Variants in INPP5A observed in about 807,000 individuals in gnomAD.
INPP5A encodes the protein inositol polyphosphate-5-phosphatase A, also known as 43 kDa inositol polyphosphate 5-phophatase.
A neutral mutation model predicts 65.2 loss-of-function variants in INPP5A; 14 were observed. The observed-to-expected ratio is 0.21, with a 90% CI of 0.14 to 0.34. INPP5A has a LOEUF of 0.34. INPP5A is among the 10% of genes least tolerant of loss of function. The pLI, the probability that INPP5A is intolerant of heterozygous loss-of-function variation, is 1.00. For synonymous variants in INPP5A, 207 were observed against 208.3 expected, an observed-to-expected ratio of 0.99 and a Z score of 0.05; for missense variants, 431 against 545.6, an observed-to-expected ratio of 0.79 and a Z score of 2.09.
In INPP5A at chr10:132,726,880, G is replaced by A. The variant is rs965436593; in HGVS notation, c.707G>A (p.Arg236Gln). The part of the protein sequence containing the change: ...SYFVFGDFNF[R>Q]LDSKSVVETL... ...TTTGTATTTGGTGATTTCAACTTCC[G>A]GCTGGATTCCAAGTCCGTCGTGGAG... Residue 236 changes from arginine (R) to glutamine (Q), a missense_variant, in exon 9 of 16, where the codon CGG (arginine) becomes CAG (glutamine). Coordinates refer to ENST00000368594, the MANE Select transcript of INPP5A (RefSeq NM_005539.5). The A allele has an allele frequency of 1.2e-6, 2 of 1,609,970 alleles. No individual in the cohort carries two copies. The highest frequency in any genetic ancestry group is 1.7e-6 in the Non-Finnish European group (2 of 1,176,906).
chr10:132,556,394 A>G (rs1171985318), intron 1 of INPP5A, among the ~76,000 whole-genome samples: 1 of 152,204 alleles, frequency 6.6e-6, no homozygotes, highest in Non-Finnish European at 1.5e-5. Flanking sequence ...GACCAGGGCC[A>G]GAATATCTGG....
rs2071024535 is a variant in INPP5A, at chr10:132,549,597, G to A, written c.75+11426G>A. On this transcript the variant is annotated intron_variant, in intron 1 of 15. Coordinates refer to ENST00000368594, the MANE Select transcript of INPP5A (RefSeq NM_005539.5). The surrounding 1 kb of genome is among the most constrained non-coding windows in gnomAD (Gnocchi z 4.9). ...GCGAGGCCTCTGCTACGAGGCTCCC[G>A]CTTGCCTGGCAGGTGGCAGGTGTGA... is the stretch of plus-strand genomic sequence containing the variant. Among the ~76,000 whole-genome samples, 3 of 152,318 alleles carry A rather than the reference G, an allele frequency of 2.0e-5. No homozygotes were observed. The highest frequency in any genetic ancestry group is 6.8e-3 in the Middle Eastern group (2 of 294).
intron 1 of INPP5A, among the ~76,000 whole-genome samples, chr10:132,544,635 A>G (rs2070946999): frequency 6.6e-6 from 1 of 151,732 alleles, no homozygotes; most frequent in African/African-American, 2.4e-5. Flanking sequence ...CCACGTCTAA[A>G]TCTTGAACAC....
chr10:132,552,021 G>T (rs2071057991), intron 1 of INPP5A, among the ~76,000 whole-genome samples: 1 of 152,242 alleles, frequency 6.6e-6, no homozygotes, highest in Admixed American at 6.5e-5. Context: ...TCTGTGTGAG[G>T]CTGTGTCCTC....
At position 132,761,162 on chromosome 10, in the gene INPP5A, C is replaced by T. The variant is rs572611886; in HGVS notation, c.904-4611C>T. 2.0e-5 allele frequency among the ~76,000 whole-genome samples: 3 copies of T among 152,354 alleles called. No homozygotes were observed. The East Asian group carries it at 5.8e-4, about 29-fold the overall frequency. Reference sequence around the variant, plus strand: ...GCAGAGGTCATGGCGTCTTCGGGTGCCACATGCCCGTCTCTGGGTGGCACG... The same window carrying T: ...GCAGAGGTCATGGCGTCTTCGGGTGTCACATGCCCGTCTCTGGGTGGCACG... On this transcript the variant is annotated intron_variant, in intron 11 of 15. Transcript: ENST00000368594.
intron 2 of INPP5A, among the ~76,000 whole-genome samples, chr10:132,609,273 C>T (rs1487341184): frequency 2.0e-5 from 3 of 152,224 alleles, no homozygotes; most frequent in Non-Finnish European, 4.4e-5. Context: ...ACATCATCTG[C>T]TCAGCGCTCA....
rs1015195819 is a variant in INPP5A, at chr10:132,550,404, A to G, written c.75+12233A>G. Among the ~76,000 whole-genome samples, 9 of 152,076 alleles carry G rather than the reference A, an allele frequency of 5.9e-5. No individual in the cohort carries two copies. The highest frequency in any genetic ancestry group is 1.0e-4 in the Non-Finnish European group (7 of 68,010). On this transcript the variant is annotated intron_variant, in intron 1 of 15. Coordinates refer to ENST00000368594, the MANE Select transcript of INPP5A (RefSeq NM_005539.5). This position sits in a 1 kb window ranked among gnomAD's most constrained non-coding sequence, Gnocchi z 4.2. ...AGTCCAGGTGCAGGTCTCAGCAGCA[A>G]CTCTGAGGTTCTGCATAGCTAGTGC...
At chr10:132,771,526 G>A (rs147427724) in intron 12 of INPP5A, among the ~76,000 whole-genome samples, 2 of 151,024 alleles carry the variant, frequency 1.3e-5, no homozygotes, top group Non-Finnish European at 1.5e-5. Context: ...TCAGACTGCC[G>A]CAGGGGTCCC....
At chr10:132,579,215 G>T (rs1344437146) in intron 1 of INPP5A, among the ~76,000 whole-genome samples, 2 of 151,770 alleles carry the variant, frequency 1.3e-5, no homozygotes, top group Admixed American at 6.6e-5. Flanking sequence ...GAGTGTGGGG[G>T]GAGGTGGAGC....
chr10:132,730,866 AT>A (rs1306599985), intron 9 of INPP5A, among the ~76,000 whole-genome samples: 1 of 152,110 alleles, frequency 6.6e-6, no homozygotes, highest in Non-Finnish European at 1.5e-5. Flanking sequence ...CAGGAACCCG[AT>A]TTTTCACTTC....
At chr10:132,665,581 G>T (rs918551640) in intron 4 of INPP5A, among the ~76,000 whole-genome samples, 6 of 140,896 alleles carry the variant, frequency 4.3e-5, no homozygotes, top group African/African-American at 1.6e-4. Flanking sequence ...AATTGCTTGA[G>T]CTTAGGAGTA....
At chr10:132,757,471 G>T (rs1258361071) in intron 11 of INPP5A, among the ~76,000 whole-genome samples, 2 of 152,228 alleles carry the variant, frequency 1.3e-5, no homozygotes, top group Non-Finnish European at 2.9e-5. Context: ...CTGCTGTGCG[G>T]GTCTGCAGCC....
At chr10:132,668,743 C>T (rs1288770824) in intron 4 of INPP5A, among the ~76,000 whole-genome samples, 3 of 152,182 alleles carry the variant, frequency 2.0e-5, no homozygotes, top group African/African-American at 7.2e-5. Flanking sequence ...GCTTGCGGCC[C>T]ACTTCACCCC....
At chr10:132,565,446 CTTTGGA>C (rs1247454882) in intron 1 of INPP5A, among the ~76,000 whole-genome samples, 2 of 152,190 alleles carry the variant, frequency 1.3e-5, no homozygotes, top group African/African-American at 4.8e-5. Flanking sequence ...TCCCAGATAG[CTTTGGA>C]TTTGTGTGTT....
intron 4 of INPP5A, among the ~76,000 whole-genome samples, chr10:132,658,577 C>A (rs527710387): frequency 6.6e-6 from 1 of 152,162 alleles, no homozygotes; most frequent in African/African-American, 2.4e-5. Flanking sequence ...GGCTGCAGGC[C>A]GGGCCTTGGA....
chr10:132,683,345 A>G (rs1446546067), intron 4 of INPP5A, among the ~76,000 whole-genome samples: 1 of 146,990 alleles, frequency 6.8e-6, no homozygotes, highest in East Asian at 2.0e-4. Flanking sequence ...CAGCAAGGCC[A>G]TCTGTGTATT....
chr10:132,721,954 C>T (rs1429552164), intron 8 of INPP5A, among the ~76,000 whole-genome samples: 1 of 152,082 alleles, frequency 6.6e-6, no homozygotes, highest in African/African-American at 2.4e-5. Flanking sequence ...CCAGCAGTTT[C>T]TAGGAAGGTA....
chr10:132,773,505 A>G (rs1846991918), intron 12 of INPP5A, among the ~76,000 whole-genome samples: 1 of 152,206 alleles, frequency 6.6e-6, no homozygotes. Context: ...TCCGTGGGCC[A>G]TAATTTATGT....
rs116012543 is a variant in INPP5A at position 132,736,959 on chromosome 10, C to T, written c.732+10054C>T. Among the ~76,000 whole-genome samples the T allele has an allele frequency of 6.5e-3, 985 of 152,344 alleles. 8 individuals are homozygous for T. The highest frequency in any genetic ancestry group is 0.022 in the African/African-American group (932 of 41,584). On this transcript the variant is annotated intron_variant, in intron 9 of 15. Coordinates refer to ENST00000368594, the MANE Select transcript of INPP5A (RefSeq NM_005539.5). ...CCTCAGCCGTGGGCACAGTGGGCGC[C>T]GTGAGGCTGTGGGCAGGAGAGGCCA... is the stretch of plus-strand genomic sequence containing the variant.
Sources: gnomAD v4.1 joint callset for allele counts (sites outside exome capture counted in the v4.1 genomes callset) on GRCh38, gnomAD v4.1.1 for gene constraint, Gnocchi (gnomAD v3.1) non-coding constraint, MANE v1.5 for transcripts, NCBI Gene and HGNC (gene_info 2026-07-23, HGNC 2026-07-21) for gene names.